SEMA3A: variants seen among roughly 807,000 people sequenced by gnomAD.
SEMA3A encodes semaphorin-3A.
In SEMA3A, 29 loss-of-function variants were observed where a neutral mutation model predicts 97.9. The observed-to-expected ratio is 0.30, with a 90% CI of 0.22 to 0.40. The LOEUF (loss-of-function observed/expected upper bound fraction) is 0.40. Ranked by LOEUF, SEMA3A falls within the 10% of genes least tolerant of loss-of-function variation. The probability of loss-of-function intolerance (pLI) is 1.00; values close to 1 mark genes in which losing one functional copy is unlikely to be tolerated. For missense variants in SEMA3A, 763 were observed against 951.3 expected (o/e 0.80, Z 2.60); for synonymous variants, 321 against 323.7 (o/e 0.99, Z 0.09).
intron 1 of SEMA3A, among the ~76,000 whole-genome samples, chr7:84,164,882 A>T (rs183143404): frequency 1.3e-4 from 20 of 152,332 alleles, no homozygotes; most frequent in Admixed American, 1.0e-3. Flanking sequence ...GAGCTCACCA[A>T]GGAAAATTAT....
chr7:84,350,129 A>ATGACCTTT (rs1802401197), intron 2 of SEMA3A, among the ~76,000 whole-genome samples: 1 of 152,184 alleles, frequency 6.6e-6, no homozygotes. Context: ...TTTATGTTCC[A>ATGACCTTT]CATCAATATA....
chr7:84,386,205 T>C (rs1228883), intron 1 of SEMA3A, among the ~76,000 whole-genome samples: 27,045 of 152,158 alleles, frequency 0.18, 2,541 homozygotes, highest in Middle Eastern at 0.22. Context: ...GTAAGCTGGG[T>C]TAGTTAGAAA....
At chr7:84,138,462 A>C (rs1796208415) in intron 1 of SEMA3A, among the ~76,000 whole-genome samples, 1 of 152,110 alleles carries the variant, frequency 6.6e-6, no homozygotes, top group Non-Finnish European at 1.5e-5. Context: ...ATATTTTCCC[A>C]ATTGAAAAAT....
Position 84,324,927 on chromosome 7 carries a change from G to A in SEMA3A, c.-168-17635C>T, listed in dbSNP as rs539977106. ...GGCATTGTAGAAAACACTATAATTC[G>A]GTAGATGCAATCCACTCCATCCGTC... is the stretch of plus-strand genomic sequence containing the variant. On this transcript the variant is annotated intron_variant, in intron 2 of 3. Transcript: ENST00000424555. Among the ~76,000 whole-genome samples, 6 of 151,944 alleles carry A rather than the reference G, an allele frequency of 3.9e-5. No individual in the cohort carries two copies. In the South Asian group the frequency reaches 1.0e-3, roughly 26 times the overall value.
chr7:84,183,707 C>A (rs1345937599), intron 1 of SEMA3A, among the ~76,000 whole-genome samples: 1 of 151,964 alleles, frequency 6.6e-6, no homozygotes, highest in African/African-American at 2.4e-5. Context: ...TTTGCACATT[C>A]CAAGAAAGTA....
chr7:84,249,985 C>T (rs573665582), intron 3 of SEMA3A, among the ~76,000 whole-genome samples: 2 of 150,744 alleles, frequency 1.3e-5, no homozygotes, highest in South Asian at 4.2e-4. Context: ...TCTGCTCAAA[C>T]GTATGAAATA....
intron 5 of SEMA3A, among the ~76,000 whole-genome samples, chr7:84,052,472 C>A (rs1166618126): frequency 1.3e-5 from 2 of 152,092 alleles, no homozygotes; most frequent in South Asian, 2.1e-4. Flanking sequence ...TTATCCATTT[C>A]TTCTGGATTT....
chr7:83,990,829 A>G (rs1789890358), intron 12 of SEMA3A, among the ~76,000 whole-genome samples: 2 of 143,664 alleles, frequency 1.4e-5, no homozygotes, highest in Non-Finnish European at 3.0e-5. Context: ...TATGAACTTT[A>G]AAGTAGTTTT....
intron 1 of SEMA3A, among the ~76,000 whole-genome samples, chr7:84,458,369 G>T (rs1206114357): frequency 1.1e-4 from 17 of 151,944 alleles, no homozygotes. Context: ...TTTAACTTTA[G>T]TATTATTCAA....
chr7:84,007,275 T>A, intron 10 of SEMA3A, 78 bp downstream of exon 10: 1 of 1,167,348 alleles, frequency 8.6e-7, no homozygotes, highest in Non-Finnish European at 1.2e-6. Context: ...ACATTTAATA[T>A]CTGTCTGTAG....
chr7:84,134,890 A>C lies in SEMA3A; in HGVS notation c.174T>G (p.His58Gln), dbSNP rs1374517662. Reference protein sequence around the residue: ...FNGLANSSSYHTFLLDEERSR... With the variant: ...FNGLANSSSYQTFLLDEERSR... ...TCCGTTCCTCATCCAAAAGGAAGGT[A>C]TGATAACTGGAGCTGTTGGCCAAGC... Residue 58 changes from histidine to glutamine, a missense_variant, in exon 2 of 17, where the codon CAT (histidine) becomes CAG (glutamine). Physicochemically the swap from His to Gln is conservative, Grantham distance 24. Around this residue, in one of 2 missense-constraint regions of SEMA3A, gnomAD observed 85 missense variants for 70.0 expected, o/e 1.21. Transcript: ENST00000265362. 1 of 1,613,922 alleles carries C rather than the reference A, an allele frequency of 6.2e-7. No individual in the cohort carries two copies. Among genetic ancestry groups the C allele is most frequent in the East Asian group, 2.2e-5 (1 of 44,846 alleles).
chr7:83,981,454 C>G lies in SEMA3A; in HGVS notation c.1519G>C (p.Ala507Pro), dbSNP rs779744872. 6 of 1,612,100 alleles carry G rather than the reference C, an allele frequency of 3.7e-6. No homozygotes were observed. The Admixed American group carries it at 1.0e-4, about 27-fold the overall frequency. ...TGTAAAGGGAGCTGGGCAACCCCAGCCGTTGAACCAATATATAGTTGTTGC... is the reference window on the plus strand; with the variant it reads ...TGTAAAGGGAGCTGGGCAACCCCAGGCGTTGAACCAATATATAGTTGTTGC... ...KQQQLYIGST[A>P]GVAQLPLHRC... is the part of the protein sequence containing the mutation. The change falls in exon 14 of 17, where the codon GCT (alanine) becomes CCT (proline). Residue 507 changes from alanine (A) to proline (P), a missense_variant. By Grantham distance (27) the Ala-to-Pro change is conservative. Around this residue, in one of 2 missense-constraint regions of SEMA3A, gnomAD observed 678 missense variants for 881.3 expected, o/e 0.77. Transcript: ENST00000265362.
In SEMA3A at chr7:83,957,500, G is replaced by C. The variant is rs1788316354; in HGVS notation, c.*3871C>G. On this transcript the variant is annotated 3_prime_UTR_variant, in exon 17 of 17. Transcript: ENST00000265362. ...TTTGGTTCCAGCTTTGCCTCTGCCTGTGTGTGCCTGCATGTTTGAAATGAT... is the reference window on the plus strand; with the variant it reads ...TTTGGTTCCAGCTTTGCCTCTGCCTCTGTGTGCCTGCATGTTTGAAATGAT... 1 of 152,038 alleles carries C rather than the reference G, an allele frequency of 6.6e-6. No homozygotes were observed. Among genetic ancestry groups the C allele is most frequent in the Non-Finnish European group, 1.5e-5 (1 of 67,972 alleles). The allele number at this position is 152,038 out of a possible 1,614,324, so 9.4% of individuals were successfully genotyped here.
intron 4 of SEMA3A, among the ~76,000 whole-genome samples, chr7:84,071,387 G>C (rs1019126105): frequency 5.9e-5 from 9 of 152,100 alleles, no homozygotes; most frequent in Admixed American, 6.6e-5. Context: ...AAAAGTCCAT[G>C]AGATCTAGAA....
intron 1 of SEMA3A, among the ~76,000 whole-genome samples, chr7:84,437,793 C>T (rs1805175021): frequency 6.6e-6 from 1 of 151,856 alleles, no homozygotes; most frequent in African/African-American, 2.4e-5. Context: ...ATATGTAAAT[C>T]TTCCAAAATA....
At chr7:84,166,881 C>CAA (rs11476617) in intron 1 of SEMA3A, among the ~76,000 whole-genome samples, 6 of 85,506 alleles carry the variant, frequency 7.0e-5, no homozygotes, top group African/African-American at 1.8e-4. Context: ...TCCTCTGTCT[C>CAA]AAAAAAAAAA....
chr7:84,488,742 T>C (rs181863452), intron 1 of SEMA3A, among the ~76,000 whole-genome samples: 1 of 152,252 alleles, frequency 6.6e-6, no homozygotes, highest in African/African-American at 2.4e-5. Flanking sequence ...CTGAAAATAC[T>C]GGGGTAAAGT....
intron 3 of SEMA3A, among the ~76,000 whole-genome samples, chr7:84,212,113 A>C: frequency 6.6e-6 from 1 of 152,324 alleles, no homozygotes; most frequent in South Asian, 2.1e-4. Flanking sequence ...CCCATGAAGA[A>C]CAGAGGTGGT....
intron 1 of SEMA3A, among the ~76,000 whole-genome samples, chr7:84,190,945 A>C (rs1385756842): frequency 1.7e-5 from 2 of 120,636 alleles, no homozygotes; most frequent in East Asian, 4.8e-4. Context: ...ATGTGTACAC[A>C]TAAATGTATT....
Sources: gnomAD v4.1 joint callset for allele counts (sites outside exome capture counted in the v4.1 genomes callset) on GRCh38, gnomAD v4.1.1 for gene constraint, gnomAD v4.1.1 regional missense constraint, MANE v1.5 for transcripts, NCBI Gene and HGNC (gene_info 2026-07-23, HGNC 2026-07-21) for gene names.